TMEM132C: variants seen among roughly 807,000 people sequenced by gnomAD.
TMEM132C encodes the protein transmembrane protein 132C, also known as protein phosphatase 1, regulatory subunit 152.
In TMEM132C, 29 loss-of-function variants were observed where a neutral mutation model predicts 61.4. That is an observed-to-expected ratio of 0.47 (90% CI 0.35 to 0.64). The LOEUF is 0.64. Among genes scored for constraint, TMEM132C ranks in the 30% least tolerant of loss-of-function variants. TMEM132C has a pLI of 0.00. For synonymous variants in TMEM132C, 656 were observed against 633.1 expected, an observed-to-expected ratio of 1.04 and a Z score of -0.54; for missense variants, 1,408 against 1,476.9, an observed-to-expected ratio of 0.95 and a Z score of 0.76.
At chr12:128,580,952 C>G (rs1875311267) in intron 3 of TMEM132C, among the ~76,000 whole-genome samples, 1 of 152,160 alleles carries the variant, frequency 6.6e-6, no homozygotes. Context: ...CAACTGCACA[C>G]CCTCCTCTAT....
intron 2 of TMEM132C, among the ~76,000 whole-genome samples, chr12:128,515,511 A>G (rs191779012): frequency 1.3e-5 from 2 of 152,332 alleles, no homozygotes; most frequent in African/African-American, 4.8e-5. Flanking sequence ...TCTAGCCACC[A>G]TTGATTCTGT....
chr12:128,452,232 G>A (rs996967135), intron 2 of TMEM132C, among the ~76,000 whole-genome samples: 11 of 151,640 alleles, frequency 7.3e-5, no homozygotes, highest in South Asian at 2.1e-4. Context: ...GTAATAGCTC[G>A]AACTACAGGC....
At chr12:128,695,658 G>C (rs1164069032) in intron 6 of TMEM132C, among the ~76,000 whole-genome samples, 172 bp from the exon 7 acceptor site, 1 of 152,178 alleles carries the variant, frequency 6.6e-6, no homozygotes, top group Non-Finnish European at 1.5e-5. Context: ...ATTTGAGAAA[G>C]AGATGCCCAT....
chr12:128,642,291 C>G (rs927677254), intron 4 of TMEM132C, among the ~76,000 whole-genome samples: 1 of 151,726 alleles, frequency 6.6e-6, no homozygotes, highest in Non-Finnish European at 1.5e-5. Context: ...GCCACCATGT[C>G]TGGCTAATTT....
chr12:128,506,717 G>A (rs562527303), intron 2 of TMEM132C, among the ~76,000 whole-genome samples: 1 of 152,110 alleles, frequency 6.6e-6, no homozygotes, highest in Non-Finnish European at 1.5e-5. Flanking sequence ...CATCCCAGTG[G>A]CTCCCATGCT....
chr12:128,704,761 C>G (rs1809651), intron 8 of TMEM132C, among the ~76,000 whole-genome samples: 149,528 of 152,332 alleles, frequency 0.98, 73,443 homozygotes, highest in East Asian at 1. Flanking sequence ...TGTCTGTGAA[C>G]ATGCACCGGC....
chr12:128,568,140 T>G (rs1381932224), intron 3 of TMEM132C, among the ~76,000 whole-genome samples: 1 of 152,210 alleles, frequency 6.6e-6, no homozygotes, highest in East Asian at 1.9e-4. Context: ...TACTAAACAG[T>G]GTGATTGCTT....
intron 1 of TMEM132C, among the ~76,000 whole-genome samples, chr12:128,339,611 AG>A (rs1431933451): frequency 1.3e-5 from 2 of 150,010 alleles, no homozygotes; most frequent in African/African-American, 2.5e-5. Flanking sequence ...AGCTGCGTTG[AG>A]GGGGTCTTCA....
At chr12:128,357,746 C>T (rs1422361484) in intron 1 of TMEM132C, among the ~76,000 whole-genome samples, 1 of 151,836 alleles carries the variant, frequency 6.6e-6, no homozygotes, top group African/African-American at 2.4e-5. Context: ...AATATTCCCC[C>T]TTCTCCCAGC....
chr12:128,304,004 TG>T (rs1871678665), intron 1 of TMEM132C, among the ~76,000 whole-genome samples: 1 of 151,804 alleles, frequency 6.6e-6, no homozygotes, highest in South Asian at 2.1e-4. Flanking sequence ...TTGGGACAGA[TG>T]TGTGATCCCA....
chr12:128,358,134 G>T (rs1378217716), intron 1 of TMEM132C, among the ~76,000 whole-genome samples: 1 of 152,148 alleles, frequency 6.6e-6, no homozygotes, highest in Non-Finnish European at 1.5e-5. Flanking sequence ...TGGGCAGAGA[G>T]GCCCAGGGTG....
At chr12:128,547,525 C>A (rs1338314960) in intron 3 of TMEM132C, among the ~76,000 whole-genome samples, 3 of 150,292 alleles carry the variant, frequency 2.0e-5, no homozygotes, top group Admixed American at 1.3e-4. Flanking sequence ...GATCGCACCA[C>A]CATACTCCAG....
chr12:128,332,142 A>C (rs2135945581), intron 1 of TMEM132C, among the ~76,000 whole-genome samples: 1 of 152,320 alleles, frequency 6.6e-6, no homozygotes, highest in East Asian at 1.9e-4. Context: ...TTTCATTATT[A>C]CACACAAACA....
chr12:128,493,112 T>C (rs1160820507), intron 2 of TMEM132C, among the ~76,000 whole-genome samples: 2 of 152,198 alleles, frequency 1.3e-5, no homozygotes, highest in East Asian at 3.9e-4. Context: ...AGGGAATCCT[T>C]TCCCCATTTC....
At chr12:128,329,964 A>G (rs1447259944) in intron 1 of TMEM132C, among the ~76,000 whole-genome samples, 1 of 152,184 alleles carries the variant, frequency 6.6e-6, no homozygotes, top group Non-Finnish European at 1.5e-5. Flanking sequence ...GCCTGTGTCC[A>G]TGTGTACATG....
intron 5 of TMEM132C, among the ~76,000 whole-genome samples, chr12:128,684,317 AT>A (rs754217673): frequency 0.021 from 2,945 of 141,528 alleles, 81 homozygotes; most frequent in South Asian, 0.13. Flanking sequence ...GATGAGGAAA[AT>A]GAATCCTAAA....
chr12:128,518,756 GGTGTGT>G (rs935793530), intron 2 of TMEM132C, among the ~76,000 whole-genome samples: 1 of 149,972 alleles, frequency 6.7e-6, no homozygotes, highest in Admixed American at 6.7e-5. Flanking sequence ...GTGTGTGTGT[GGTGTGT>G]GTGTGTGTGT....
chr12:128,465,167 A>G (rs144138228), intron 2 of TMEM132C, among the ~76,000 whole-genome samples: 1 of 151,012 alleles, frequency 6.6e-6, no homozygotes, highest in African/African-American at 2.4e-5. Context: ...ACCCACATAG[A>G]TAAGCTGTTC....
At chr12:128,536,657 C>T (rs1296161411) in intron 2 of TMEM132C, among the ~76,000 whole-genome samples, 1 of 152,134 alleles carries the variant, frequency 6.6e-6, no homozygotes, top group Non-Finnish European at 1.5e-5. Flanking sequence ...CGCATGGGGA[C>T]CCCCTGGTAA....
Sources: gnomAD v4.1 joint callset for allele counts (sites outside exome capture counted in the v4.1 genomes callset) on GRCh38, gnomAD v4.1.1 for gene constraint, MANE v1.5 for transcripts, NCBI Gene and HGNC (gene_info 2026-07-23, HGNC 2026-07-21) for gene names.